The following PSMF1 variants were observed in gnomAD, a reference collection of about 807,000 sequenced individuals.
PSMF1 encodes the protein proteasome inhibitor PI31 subunit.
A neutral mutation model predicts 29.3 loss-of-function variants in PSMF1; 30 were observed. That is an observed-to-expected ratio of 1.02 (90% CI 0.77 to 1.39). The LOEUF (loss-of-function observed/expected upper bound fraction) is 1.39. Among genes scored for constraint, PSMF1 ranks in the 40% most tolerant of loss-of-function variants. The pLI, the probability that PSMF1 is intolerant of heterozygous loss-of-function variation, is 0.00. For synonymous variants in PSMF1, 134 were observed against 139.7 expected (o/e 0.96, Z 0.29); for missense variants, 344 against 357.5 (o/e 0.96, Z 0.31).
chr20:1,165,975 A>T lies in PSMF1; in HGVS notation c.*895A>T, dbSNP rs1047800326. 2 of 1,394,126 alleles carry T rather than the reference A, an allele frequency of 1.4e-6. No individual in the cohort carries two copies. Among genetic ancestry groups the T allele is most frequent in the African/African-American group, 2.9e-5 (2 of 69,088 alleles). 86.4% of individuals were successfully genotyped at this position (1,394,126 alleles called of 1,614,324 possible). ...GGCTTTCCTGCTCTAAAGCATTTTG[A>T]TGTCTCATTCTGTGTTTGGTAACCC... On this transcript the variant is annotated 3_prime_UTR_variant, in exon 7 of 7. Coordinates refer to ENST00000335877, the MANE Select transcript of PSMF1 (RefSeq NM_006814.5).
intron 1 of PSMF1, among the ~76,000 whole-genome samples, 196 bp downstream of exon 1, chr20:1,119,098 C>G (rs1477264311): frequency 6.6e-6 from 1 of 152,232 alleles, no homozygotes; most frequent in African/African-American, 2.4e-5. Flanking sequence ...CCTCACGGCA[C>G]AGCTGGCACA....
rs761929197 is a variant in PSMF1, at chr20:1,128,874, G to C, written c.365+1366G>C. On this transcript the variant is annotated intron_variant, in intron 3 of 6. Coordinates refer to ENST00000335877, the MANE Select transcript of PSMF1 (RefSeq NM_006814.5). ...ACCACCACACCCAGCTAATTTTTGC[G>C]TTTTTTTGTTTTGTTTTTTGAGACG... Among the ~76,000 whole-genome samples the C allele has an allele frequency of 5.1e-4, 77 of 151,402 alleles. No homozygotes were observed. In the Middle Eastern group the frequency reaches 0.014, roughly 27 times the overall value.
chr20:1,151,636 A>G (rs1181976668), intron 4 of PSMF1, among the ~76,000 whole-genome samples: 10 of 152,246 alleles, frequency 6.6e-5, no homozygotes, highest in Admixed American at 5.9e-4. Flanking sequence ...CCAGCCTTCA[A>G]GGAGCTCACA....
intron 1 of PSMF1, among the ~76,000 whole-genome samples, chr20:1,123,302 A>G (rs1318150513): frequency 2.0e-5 from 3 of 152,046 alleles, no homozygotes; most frequent in South Asian, 4.1e-4. Flanking sequence ...TTGGTGTGTG[A>G]AGTTTTGCTT....
Position 1,166,185 on chromosome 20 carries a change from C to T in PSMF1, c.*1105C>T. On this transcript the variant is annotated 3_prime_UTR_variant, in exon 7 of 7. Coordinates refer to ENST00000335877, the MANE Select transcript of PSMF1 (RefSeq NM_006814.5). The stretch of plus-strand genomic sequence containing the variant: ...GAGCAGGGAGCCCTGCACCTTGTGT[C>T]CTGGCCCACCTGACCTTTGGTGTTC... 6.2e-7 allele frequency: 1 copy of T among 1,610,068 alleles called. No individual in the cohort carries two copies. The highest frequency in any genetic ancestry group is 8.5e-7 in the Non-Finnish European group (1 of 1,178,810).
chr20:1,118,854 T>G lies in PSMF1; in HGVS notation c.81T>G (p.His27Gln). ...CRQDALVCFL[H>Q]WEVVTHGYFG... The stretch of plus-strand genomic sequence containing the variant: ...AGGACGCGCTCGTCTGCTTCTTGCA[T>G]TGGGAAGTGGTGACACACGGTTACT... Residue 27 changes from histidine (H) to glutamine (Q), a missense_variant, in exon 1 of 7, where the codon CAT becomes CAG. By Grantham distance (24) the His-to-Gln change is conservative (BLOSUM62 0). Transcript: ENST00000335877. The G allele has an allele frequency of 6.2e-7, 1 of 1,613,940 alleles. No individual in the cohort carries two copies. The highest frequency in any genetic ancestry group is 1.7e-4 in the Middle Eastern group (1 of 6,060).
intron 4 of PSMF1, among the ~76,000 whole-genome samples, chr20:1,137,512 G>A (rs2086322407): frequency 6.6e-6 from 1 of 151,962 alleles, no homozygotes; most frequent in Non-Finnish European, 1.5e-5. Context: ...ATGAAGGACA[G>A]AAGAATGAGT....
In PSMF1 at chr20:1,166,162, G is replaced by T. The variant is rs540765785; in HGVS notation, c.*1082G>T. On this transcript the variant is annotated 3_prime_UTR_variant, in exon 7 of 7. Coordinates refer to ENST00000335877, the MANE Select transcript of PSMF1 (RefSeq NM_006814.5). ...AGTGTGGTGTTGAACTTCGGGAGGA[G>T]CAGGGAGCCCTGCACCTTGTGTCCT... The T allele has an allele frequency of 8.1e-6, 13 of 1,597,706 alleles. No individual in the cohort carries two copies. The African/African-American group carries it at 1.3e-4, about 16-fold the overall frequency.
chr20:1,166,163 C>T lies in PSMF1; in HGVS notation c.*1083C>T. 6.3e-7 allele frequency: 1 copy of T among 1,598,452 alleles called. No individual in the cohort carries two copies. Among genetic ancestry groups the T allele is most frequent in the Non-Finnish European group, 8.5e-7 (1 of 1,173,042 alleles). On this transcript the variant is annotated 3_prime_UTR_variant, in exon 7 of 7. Transcript: ENST00000335877. ...GTGTGGTGTTGAACTTCGGGAGGAG[C>T]AGGGAGCCCTGCACCTTGTGTCCTG...
At chr20:1,160,661 C>A in intron 4 of PSMF1, 1 of 507,580 alleles carries the variant, frequency 2.0e-6, no homozygotes. Flanking sequence ...GGGACGACGC[C>A]CCTGGAACCA....
chr20:1,125,822 G>A (rs754737546), intron 2 of PSMF1, 172 bp downstream of exon 2: 117 of 852,036 alleles, frequency 1.4e-4, no homozygotes, highest in South Asian at 4.4e-4. Context: ...GAAAACCTTC[G>A]TGCACAAAGG....
intron 4 of PSMF1, among the ~76,000 whole-genome samples, chr20:1,135,556 C>A (rs923063167): frequency 1.5e-4 from 23 of 152,198 alleles, no homozygotes; most frequent in African/African-American, 5.5e-4. Context: ...ACACAGAGCC[C>A]CTGAGTCTGT....
In PSMF1 at chr20:1,169,614, G is replaced by A. The variant is rs939788103; in HGVS notation, c.*4534G>A. 1.8e-4 allele frequency among the ~76,000 whole-genome samples: 28 copies of A among 152,156 alleles called. No homozygotes were observed. Among genetic ancestry groups the A allele is most frequent in the Admixed American group, 1.4e-3 (21 of 15,282 alleles). On this transcript the variant is annotated 3_prime_UTR_variant, in exon 7 of 7. Coordinates refer to ENST00000335877, the MANE Select transcript of PSMF1 (RefSeq NM_006814.5). ...AACCAAAAAGGTAATGGTCCAGAGA[G>A]CAGCAGGATCACATCATCATTGCTA...
intron 4 of PSMF1, among the ~76,000 whole-genome samples, chr20:1,147,519 T>C (rs1394052114): frequency 1.3e-5 from 2 of 152,136 alleles, no homozygotes; most frequent in East Asian, 3.9e-4. Flanking sequence ...GAGAAGCCCA[T>C]CCCCTTTCTC....
At chr20:1,150,756 T>G (rs1041147837) in intron 4 of PSMF1, among the ~76,000 whole-genome samples, 6 of 152,188 alleles carry the variant, frequency 3.9e-5, no homozygotes, top group African/African-American at 1.4e-4. Context: ...TGTTAAAGCA[T>G]TCCTAATTTT....
At chr20:1,129,802 C>G (rs1022171497) in intron 3 of PSMF1, among the ~76,000 whole-genome samples, 3 of 152,172 alleles carry the variant, frequency 2.0e-5, no homozygotes, top group African/African-American at 7.2e-5. Flanking sequence ...ACCGTATAAT[C>G]CTGCATGTCC....
intron 4 of PSMF1, among the ~76,000 whole-genome samples, chr20:1,152,708 AATGGTGGTAGGTGGTAGACT>A (rs2086546576): frequency 6.6e-6 from 1 of 152,152 alleles, no homozygotes; most frequent in Non-Finnish European, 1.5e-5. Flanking sequence ...GGCAAGAAAT[AATGGTGGTAGGTGGTAGACT>A]ATGGTGGTAT....
intron 2 of PSMF1, among the ~76,000 whole-genome samples, chr20:1,126,806 G>C (rs983974281): frequency 2.0e-5 from 3 of 152,162 alleles, no homozygotes; most frequent in African/African-American, 2.4e-5. Flanking sequence ...TTGAACCCAA[G>C]AGGCAGAGTT....
At chr20:1,144,447 A>G (rs866401165) in intron 4 of PSMF1, among the ~76,000 whole-genome samples, 1 of 152,238 alleles carries the variant, frequency 6.6e-6, no homozygotes, top group African/African-American at 2.4e-5. Flanking sequence ...GAAAAATGAA[A>G]ATTGTGCCCA....
Sources: gnomAD v4.1 joint callset for allele counts (sites outside exome capture counted in the v4.1 genomes callset) on GRCh38, gnomAD v4.1.1 for gene constraint, MANE v1.5 for transcripts, NCBI Gene and HGNC (gene_info 2026-07-23, HGNC 2026-07-21) for gene names.